The following PSMD1 variants were observed in gnomAD, a reference collection of about 807,000 sequenced individuals.
The protein encoded by PSMD1 is 26S proteasome non-ATPase regulatory subunit 1.
A neutral mutation model predicts 119.0 loss-of-function variants in PSMD1; 18 were observed. The ratio of observed to expected loss-of-function variants is 0.15; its 90% confidence interval spans 0.10 to 0.22. The LOEUF is 0.22. PSMD1 is among the 10% of genes least tolerant of loss of function. PSMD1 has a pLI of 1.00. For synonymous variants in PSMD1, 374 were observed against 396.6 expected, an observed-to-expected ratio of 0.94 and a Z score of 0.68; for missense variants, 702 against 1,158.5, an observed-to-expected ratio of 0.61 and a Z score of 5.72.
chr2:231,166,561 G>T (rs1696791442), intron 23 of PSMD1, among the ~76,000 whole-genome samples: 2 of 150,248 alleles, frequency 1.3e-5, no homozygotes, highest in South Asian at 4.2e-4. Flanking sequence ...TTGCATTTTA[G>T]TTAGAAAAGG....
rs753777464 is a variant in PSMD1, at chr2:231,099,069, GAT to G, written c.1883+11890_1883+11891del. On this transcript the variant is annotated intron_variant, in intron 16 of 24. Coordinates refer to ENST00000308696, the MANE Select transcript of PSMD1 (RefSeq NM_002807.4). The stretch of plus-strand genomic sequence containing the variant: ...AAGAGTCAGGGTTATAACGAGGAAG[GAT>G]AACGTTGAGTAGAGAGGGAATTTGG... Among the ~76,000 whole-genome samples, 7 of 152,334 alleles carry G rather than the reference GAT, an allele frequency of 4.6e-5. No homozygotes were observed. In the East Asian group the frequency reaches 1.2e-3, roughly 25 times the overall value.
At chr2:231,161,193 T>G (rs1696630984) in intron 19 of PSMD1, 147 bp from the exon 20 acceptor site, 2 of 750,400 alleles carry the variant, frequency 2.7e-6, no homozygotes, top group Non-Finnish European at 2.1e-6. Context: ...GTGCAGTGTT[T>G]CACTCTGTCA....
At position 231,079,339 on chromosome 2, in the gene PSMD1, G is replaced by A. The variant is rs41265099; in HGVS notation, c.1161-197G>A. Among the ~76,000 whole-genome samples the A allele has an allele frequency of 9.9e-3, 1,507 of 151,986 alleles. 14 individuals carry two copies. Among genetic ancestry groups the A allele is most frequent in the Middle Eastern group, 0.017 (5 of 294 alleles). ...TTGTTTTTATTTATAGTAGAATTAC[G>A]TATCGTGCATTTTAAAAATCCTTAA... On this transcript the variant is annotated intron_variant, in intron 10 of 24. Coordinates refer to ENST00000308696, the MANE Select transcript of PSMD1 (RefSeq NM_002807.4).
At chr2:231,099,145 A>G (rs531061797) in intron 16 of PSMD1, among the ~76,000 whole-genome samples, 9 of 152,122 alleles carry the variant, frequency 5.9e-5, no homozygotes, top group Non-Finnish European at 1.2e-4. Context: ...GATTGGGGAC[A>G]CTGAACGGGG....
At chr2:231,145,966 G>GT (rs890223986) in intron 17 of PSMD1, among the ~76,000 whole-genome samples, 2 of 149,102 alleles carry the variant, frequency 1.3e-5, no homozygotes, top group East Asian at 2.0e-4. Flanking sequence ...GTTCTGTAAG[G>GT]TTTTTTCTGT....
At chr2:231,116,871 CAA>C (rs763050291) in intron 16 of PSMD1, among the ~76,000 whole-genome samples, 5 of 151,950 alleles carry the variant, frequency 3.3e-5, no homozygotes, top group Non-Finnish European at 7.4e-5. Flanking sequence ...TTTCTCATTT[CAA>C]GTTTCGTGAA....
chr2:231,119,458 A>G (rs1312898021), intron 16 of PSMD1, among the ~76,000 whole-genome samples: 3 of 152,166 alleles, frequency 2.0e-5, no homozygotes, highest in Non-Finnish European at 4.4e-5. Flanking sequence ...ACACGGGAGA[A>G]CCAGGATTCA....
chr2:231,170,697 G>C lies in PSMD1; in HGVS notation c.2847G>C (p.Glu949Asp), dbSNP rs1216001820. ...AGCCAGAACCCCCAGAACCATTTGAGTATATTGATGATTAAGGGCCAGAGG... is the reference window on the plus strand; with the variant it reads ...AGCCAGAACCCCCAGAACCATTTGACTATATTGATGATTAAGGGCCAGAGG... Reference protein sequence around the residue: ...EQEPEPPEPFEYIDD With the variant: ...EQEPEPPEPFDYIDD The change falls in exon 24 of 25, where the codon GAG becomes GAC. Residue 949 changes from glutamate (E) to aspartate (D), a missense_variant. This residue lies in a region of PSMD1 where 152 missense variants were observed against 239.3 expected (regional missense o/e 0.64). Coordinates refer to ENST00000308696, the MANE Select transcript of PSMD1 (RefSeq NM_002807.4). The surrounding 1 kb of genome is among the most constrained non-coding windows in gnomAD (Gnocchi z 4.1). 6.2e-7 allele frequency: 1 copy of C among 1,611,408 alleles called. No individual in the cohort carries two copies. The highest frequency in any genetic ancestry group is 8.5e-7 in the Non-Finnish European group (1 of 1,179,206).
At chr2:231,142,148 G>T (rs1696137100) in intron 17 of PSMD1, among the ~76,000 whole-genome samples, 1 of 152,182 alleles carries the variant, frequency 6.6e-6, no homozygotes, top group Non-Finnish European at 1.5e-5. Context: ...TTCCCAAAGT[G>T]CTGGGATTAT....
intron 16 of PSMD1, among the ~76,000 whole-genome samples, chr2:231,093,046 G>A (rs1431029392): frequency 6.6e-6 from 1 of 152,150 alleles, no homozygotes; most frequent in African/African-American, 2.4e-5. Context: ...ATCCCTCCTA[G>A]CCAAGCAGTT....
rs568576394 is a variant in PSMD1 at position 231,171,549 on chromosome 2, A to ATTT, written c.*9+849_*9+851dup. Among the ~76,000 whole-genome samples, 316 of 117,222 alleles carry ATTT rather than the reference A, an allele frequency of 2.7e-3. 1 individual carries two copies. The highest frequency in any genetic ancestry group is 6.4e-3 in the African/African-American group (194 of 30,380). 76.9% of individuals were successfully genotyped at this position (117,222 alleles called of 152,430 possible). A position where few individuals can be genotyped will look rare whatever the true frequency, so the allele number is the denominator to read the frequency against. On this transcript the variant is annotated intron_variant, in intron 24 of 24. Coordinates refer to ENST00000308696, the MANE Select transcript of PSMD1 (RefSeq NM_002807.4). ...CCAAGCACAAACACGTTTTCAGACA[A>ATTT]TTTTTTTTTTTTTTTTTTTTTTTGA...
chr2:231,077,239 C>A, intron 9 of PSMD1, 77 bp downstream of exon 9: 2 of 1,033,532 alleles, frequency 1.9e-6, no homozygotes, highest in Non-Finnish European at 2.6e-6. Context: ...ATATTTATTT[C>A]TTGTTGGATA....
intron 8 of PSMD1, 112 bp downstream of exon 8, chr2:231,075,683 T>C (rs1694145261): frequency 5.5e-6 from 5 of 903,572 alleles, no homozygotes; most frequent in Non-Finnish European, 8.3e-6. Flanking sequence ...AGGCTCAAGC[T>C]TTCCTCCCAC....
intron 16 of PSMD1, among the ~76,000 whole-genome samples, chr2:231,099,270 A>G (rs1462593225): frequency 6.6e-6 from 1 of 152,202 alleles, no homozygotes; most frequent in Non-Finnish European, 1.5e-5. Context: ...TTTAAAGGAA[A>G]AAGGAGGGCA....
intron 16 of PSMD1, among the ~76,000 whole-genome samples, chr2:231,088,246 A>G (rs1694504171): frequency 6.6e-6 from 1 of 152,194 alleles, no homozygotes; most frequent in Non-Finnish European, 1.5e-5. Context: ...AGTTGGTGGT[A>G]GTATTAATAG....
chr2:231,063,074 T>C (rs1006036614), intron 4 of PSMD1, among the ~76,000 whole-genome samples: 4 of 152,238 alleles, frequency 2.6e-5, no homozygotes, highest in African/African-American at 9.6e-5. Flanking sequence ...GCTAGCCGTT[T>C]TACAGATGAG....
chr2:231,171,549 A>ATTTTTTTT, intron 24 of PSMD1, among the ~76,000 whole-genome samples: 1 of 117,274 alleles, frequency 8.5e-6, no homozygotes, highest in Non-Finnish European at 1.7e-5. Context: ...TTTTCAGACA[A>ATTTTTTTT]TTTTTTTTTT....
In PSMD1 at chr2:231,113,927, C is replaced by T. The variant is rs772085348; in HGVS notation, c.1884-24809C>T. Reference sequence around the variant, plus strand: ...AGAACAAGTGGGAGGGGCCACATAGCCTCTGAAAGAAACAAAAACAAGACA... The same window carrying T: ...AGAACAAGTGGGAGGGGCCACATAGTCTCTGAAAGAAACAAAAACAAGACA... On this transcript the variant is annotated intron_variant, in intron 16 of 24. Coordinates refer to ENST00000308696, the MANE Select transcript of PSMD1 (RefSeq NM_002807.4). 9.3e-6 allele frequency: 15 copies of T among 1,613,344 alleles called. No homozygotes were observed. The East Asian group carries it at 3.1e-4, about 34-fold the overall frequency.
chr2:231,093,311 A>G (rs113863669), intron 16 of PSMD1, among the ~76,000 whole-genome samples: 1,913 of 152,258 alleles, frequency 0.013, 54 homozygotes, highest in African/African-American at 0.044. Flanking sequence ...GCAAGGAACA[A>G]ATTATGTGGA....
Sources: gnomAD v4.1 joint callset for allele counts (sites outside exome capture counted in the v4.1 genomes callset) on GRCh38, gnomAD v4.1.1 for gene constraint, gnomAD v4.1.1 regional missense constraint, Gnocchi (gnomAD v3.1) non-coding constraint, MANE v1.5 for transcripts, NCBI Gene and HGNC (gene_info 2026-07-23, HGNC 2026-07-21) for gene names.